Variants in TNPO1 observed in about 807,000 individuals in gnomAD.
TNPO1 encodes transportin-1.
Under a neutral mutation model 119.5 loss-of-function variants are expected in TNPO1, and 8 were observed. That is an observed-to-expected ratio of 0.07 (90% CI 0.04 to 0.12). The LOEUF is 0.12. Ranked by LOEUF, TNPO1 falls within the 10% of genes least tolerant of loss-of-function variation. The probability of loss-of-function intolerance (pLI) is 1.00; values close to 1 mark genes in which losing one functional copy is unlikely to be tolerated. For synonymous variants in TNPO1, 362 were observed against 363.0 expected, an observed-to-expected ratio of 1.00 and a Z score of 0.03; for missense variants, 576 against 1,089.8, an observed-to-expected ratio of 0.53 and a Z score of 6.64.
At position 72,856,433 on chromosome 5, in the gene TNPO1, A is replaced by G. The variant is rs533267383; in HGVS notation, c.355+510A>G. Reference sequence around the variant, plus strand: ...TTTTTAGTAGAGACAGGGTTTTACCATGTTGGCCAGGCTGGTCTATAACTC... The same window carrying G: ...TTTTTAGTAGAGACAGGGTTTTACCGTGTTGGCCAGGCTGGTCTATAACTC... On this transcript the variant is annotated intron_variant, in intron 4 of 24. Transcript: ENST00000337273. 7.2e-5 allele frequency among the ~76,000 whole-genome samples: 11 copies of G among 151,956 alleles called. No individual in the cohort carries two copies. In the East Asian group the frequency reaches 1.7e-3, roughly 24 times the overall value.
At position 72,864,553 on chromosome 5, in the gene TNPO1, G is replaced by A. The variant is rs566015968; in HGVS notation, c.463-1043G>A. 1.0e-3 allele frequency among the ~76,000 whole-genome samples: 154 copies of A among 152,244 alleles called. 3 individuals are homozygous for A. In the South Asian group the frequency reaches 0.031, roughly 30 times the overall value. ...GCCCTTGCAACAGATTTTGTCACCA[G>A]TTACCCAGTGAATACTTTTATATGT... On this transcript the variant is annotated intron_variant, in intron 5 of 24. Transcript: ENST00000337273.
At chr5:72,882,335 C>A in intron 9 of TNPO1, 132 bp from the exon 10 acceptor site, 1 of 568,848 alleles carries the variant, frequency 1.8e-6, no homozygotes, top group Non-Finnish European at 3.0e-6. Context: ...AGACATATAT[C>A]ACTGAATAAG....
At chr5:72,896,021 C>CCA (rs1749402205) in intron 18 of TNPO1, among the ~76,000 whole-genome samples, 1 of 152,036 alleles carries the variant, frequency 6.6e-6, no homozygotes, top group South Asian at 2.1e-4. Flanking sequence ...TTCTGAGAGT[C>CCA]CATTTTTTTT....
rs1750567512 is a variant in TNPO1 at position 72,911,610 on chromosome 5, T to G, written c.*2937T>G. The G allele has an allele frequency of 1.3e-5, 2 of 152,580 alleles. No homozygotes were observed. Among genetic ancestry groups the G allele is most frequent in the South Asian group, 4.1e-4 (2 of 4,836 alleles). 9.5% of individuals were successfully genotyped at this position (152,580 alleles called of 1,614,324 possible). A position where few individuals can be genotyped will look rare whatever the true frequency, so the allele number is the denominator to read the frequency against. On this transcript the variant is annotated 3_prime_UTR_variant, in exon 25 of 25. Transcript: ENST00000337273. Reference sequence around the variant, plus strand: ...TCTTGTGGTGTAGTCTTAATAGTTTTGAATGTTGACTGAATGTCTATAAAA... The same window carrying G: ...TCTTGTGGTGTAGTCTTAATAGTTTGGAATGTTGACTGAATGTCTATAAAA...
chr5:72,832,520 G>A (rs956777233), intron 1 of TNPO1, among the ~76,000 whole-genome samples: 1 of 152,108 alleles, frequency 6.6e-6, no homozygotes, highest in African/African-American at 2.4e-5. Flanking sequence ...TTTGTCAACA[G>A]TGGTACCTCC....
chr5:72,902,172 C>A (rs1478411525), intron 22 of TNPO1, among the ~76,000 whole-genome samples: 1 of 152,006 alleles, frequency 6.6e-6, no homozygotes, highest in African/African-American at 2.4e-5. Flanking sequence ...CAAAAAAATG[C>A]TTTTATAGCA....
At chr5:72,829,541 C>T (rs1744353446) in intron 1 of TNPO1, among the ~76,000 whole-genome samples, 1 of 152,212 alleles carries the variant, frequency 6.6e-6, no homozygotes, top group South Asian at 2.1e-4. Flanking sequence ...ACAAGTTTCC[C>T]TCAAGGATAG....
chr5:72,902,239 G>A (rs941382032), intron 22 of TNPO1, among the ~76,000 whole-genome samples: 1 of 152,000 alleles, frequency 6.6e-6, no homozygotes, highest in South Asian at 2.1e-4. Context: ...ACTCCGAGAG[G>A]GGTGTTTTGA....
chr5:72,848,152 G>C, intron 1 of TNPO1: 1 of 1,203,834 alleles, frequency 8.3e-7, no homozygotes, highest in Non-Finnish European at 1.0e-6. Flanking sequence ...TGCGCTCGGC[G>C]GCCGCGGCGG....
intron 24 of TNPO1, among the ~76,000 whole-genome samples, chr5:72,906,881 C>T (rs1000674399): frequency 6.6e-6 from 1 of 152,172 alleles, no homozygotes; most frequent in African/African-American, 2.4e-5. Context: ...AGATTTTCAA[C>T]ATGAATTAAG....
At chr5:72,906,013 G>A (rs1448002826) in intron 24 of TNPO1, among the ~76,000 whole-genome samples, 4 of 152,268 alleles carry the variant, frequency 2.6e-5, no homozygotes, top group African/African-American at 7.2e-5. Context: ...AGAAATCCAC[G>A]TTGGTACACT....
In TNPO1 at chr5:72,875,595, A is replaced by T; in HGVS notation, c.679-20A>T. The T allele has an allele frequency of 6.2e-7, 1 of 1,607,620 alleles. No homozygotes were observed. Among genetic ancestry groups the T allele is most frequent in the Non-Finnish European group, 8.5e-7 (1 of 1,175,082 alleles). The stretch of plus-strand genomic sequence containing the variant: ...TGTAAGCCTTTCTAAAACTAGAAAA[A>T]ATTATTTCTTGTGCAACAGAATCTC... On this transcript the variant is annotated intron_variant, in intron 7 of 24. Transcript: ENST00000337273.
chr5:72,913,337 G>A lies in TNPO1; in HGVS notation c.*4664G>A, dbSNP rs1409354095. On this transcript the variant is annotated 3_prime_UTR_variant, in exon 25 of 25. Coordinates refer to ENST00000337273, the MANE Select transcript of TNPO1 (RefSeq NM_002270.4). ...TCTTTCACCCATTAGCATTACTTAC[G>A]TAGATAATTCTTTATGCCTAGTTAT... 4 of 152,154 alleles carry A rather than the reference G, an allele frequency of 2.6e-5. No individual in the cohort carries two copies. Among genetic ancestry groups the A allele is most frequent in the Non-Finnish European group, 2.9e-5 (2 of 67,856 alleles). 9.4% of individuals were successfully genotyped at this position (152,154 alleles called of 1,614,324 possible).
chr5:72,859,832 A>G (rs962278551), intron 4 of TNPO1, among the ~76,000 whole-genome samples: 1 of 152,212 alleles, frequency 6.6e-6, no homozygotes, highest in Non-Finnish European at 1.5e-5. Flanking sequence ...CACTGATTTC[A>G]TTCCCGTATT....
At chr5:72,855,644 A>T in intron 3 of TNPO1, 130 bp from the exon 4 acceptor site, 1 of 742,264 alleles carries the variant, frequency 1.3e-6, no homozygotes, top group Non-Finnish European at 2.2e-6. Context: ...AATCAGTTAT[A>T]ATTATTTTAA....
Position 72,887,926 on chromosome 5 carries a change from T to C in TNPO1, c.1304-152T>C. ...GGAGCAGGTAGCTCTAACTTCAGGG[T>C]TTTAAAAATAATTTTGGTATAGGTT... On this transcript the variant is annotated intron_variant, in intron 12 of 24. Transcript: ENST00000337273. 23 of 724,906 alleles carry C rather than the reference T, an allele frequency of 3.2e-5. 2 individuals are homozygous for C. In the South Asian group the frequency reaches 4.3e-4, roughly 14 times the overall value. 44.9% of individuals were successfully genotyped at this position (724,906 alleles called of 1,614,324 possible). A position where few individuals can be genotyped will look rare whatever the true frequency, so the allele number is the denominator to read the frequency against.
chr5:72,888,419 C>G, intron 13 of TNPO1, 116 bp downstream of exon 13: 1 of 886,302 alleles, frequency 1.1e-6, no homozygotes, highest in East Asian at 2.7e-5. Context: ...TGAAAATTTT[C>G]CAGTTATATC....
intron 3 of TNPO1, among the ~76,000 whole-genome samples, chr5:72,855,066 T>C (rs1561311992): frequency 6.6e-6 from 1 of 152,080 alleles, no homozygotes. Context: ...TCTTGGCTTC[T>C]CTGCTTGCAG....
At chr5:72,861,760 C>G (rs766449131) in intron 4 of TNPO1, 48 bp from the exon 5 acceptor site, 1 of 1,352,922 alleles carries the variant, frequency 7.4e-7, no homozygotes, top group Admixed American at 1.7e-5. Flanking sequence ...ATGGCAATGC[C>G]TGACATAATG....
Sources: gnomAD v4.1 joint callset for allele counts (sites outside exome capture counted in the v4.1 genomes callset) on GRCh38, gnomAD v4.1.1 for gene constraint, MANE v1.5 for transcripts, NCBI Gene and HGNC (gene_info 2026-07-23, HGNC 2026-07-21) for gene names.